Variants in MYCBP observed in about 807,000 individuals in gnomAD.
MYCBP encodes MYC binding protein, also known as C-Myc-binding protein.
Under a neutral mutation model 16.8 loss-of-function variants are expected in MYCBP, and 5 were observed. That is an observed-to-expected ratio of 0.30 (90% CI 0.16 to 0.63). MYCBP has a LOEUF of 0.63. MYCBP is among the 20% of genes least tolerant of loss of function. MYCBP has a pLI of 0.83. For synonymous variants in MYCBP, 35 were observed against 43.7 expected, an observed-to-expected ratio of 0.80 and a Z score of 0.79; for missense variants, 103 against 121.8, an observed-to-expected ratio of 0.85 and a Z score of 0.73.
At position 38,864,163 on chromosome 1, in the gene MYCBP, T is replaced by G. The variant is rs1418373274; in HGVS notation, c.*507A>C. The G allele has an allele frequency of 6.4e-6, 1 of 155,610 alleles. No individual in the cohort carries two copies. The highest frequency in any genetic ancestry group is 1.4e-5 in the Non-Finnish European group (1 of 70,102). The allele number at this position is 155,610 out of a possible 1,614,324, so 9.6% of individuals were successfully genotyped here. On this transcript the variant is annotated 3_prime_UTR_variant, in exon 5 of 5. Coordinates refer to ENST00000397572, the MANE Select transcript of MYCBP (RefSeq NM_012333.5). ...CACACAGTTATCTAAGGCAAAGTGG[T>G]GGCAAAGAAGTTATTTGTTCCATGT...
At chr1:38,866,157 T>G (rs1045800549) in intron 4 of MYCBP, among the ~76,000 whole-genome samples, 3 of 142,892 alleles carry the variant, frequency 2.1e-5, no homozygotes, top group Non-Finnish European at 4.5e-5. Context: ...CAAGCAATTC[T>G]CCTGCCTCAG....
In MYCBP at chr1:38,873,130, C is replaced by T. The variant is rs1301773260; in HGVS notation, c.16-40G>A. The T allele has an allele frequency of 7.1e-6, 11 of 1,553,514 alleles. No individual in the cohort carries two copies. The East Asian group carries it at 1.2e-4, about 17-fold the overall frequency. ...GGGGTCAGTGGCCAGAGCCCGGGAG[C>T]CGAGCAGGAAGAAGGCGCTGGGAGT... On this transcript the variant is annotated intron_variant, in intron 1 of 4. Transcript: ENST00000397572.
chr1:38,864,519 G>T lies in MYCBP; in HGVS notation c.*151C>A. ...AAGAAAGTTATATTGAGTTTTTATT[G>T]ATGATTCTATGTGTTTTTAACAGAG... On this transcript the variant is annotated 3_prime_UTR_variant, in exon 5 of 5. Transcript: ENST00000397572. 2 of 792,408 alleles carry T rather than the reference G, an allele frequency of 2.5e-6. No homozygotes were observed. Among genetic ancestry groups the T allele is most frequent in the South Asian group, 1.7e-5 (1 of 58,392 alleles). 49.1% of individuals were successfully genotyped at this position (792,408 alleles called of 1,614,324 possible). A position where few individuals can be genotyped will look rare whatever the true frequency, so the allele number is the denominator to read the frequency against.
At chr1:38,869,892 G>A (rs1050819609) in intron 2 of MYCBP, among the ~76,000 whole-genome samples, 1 of 152,000 alleles carries the variant, frequency 6.6e-6, no homozygotes, top group Admixed American at 6.6e-5. Context: ...AAATTGGCCA[G>A]GCATGATGGC....
chr1:38,864,364 G>C lies in MYCBP; in HGVS notation c.*306C>G, dbSNP rs965627592. 5.0e-6 allele frequency: 2 copies of C among 396,828 alleles called. No homozygotes were observed. Among genetic ancestry groups the C allele is most frequent in the African/African-American group, 4.1e-5 (2 of 48,618 alleles). 24.6% of individuals were successfully genotyped at this position (396,828 alleles called of 1,614,324 possible). On this transcript the variant is annotated 3_prime_UTR_variant, in exon 5 of 5. Transcript: ENST00000397572. Reference sequence around the variant, plus strand: ...AATAGCTCCATGCTAAACTGTCTTGGCTAAAATACAACCAGTGCCATCATT... The same window carrying C: ...AATAGCTCCATGCTAAACTGTCTTGCCTAAAATACAACCAGTGCCATCATT...
chr1:38,868,677 G>A (rs777299360), intron 2 of MYCBP, among the ~76,000 whole-genome samples: 54 of 152,196 alleles, frequency 3.5e-4, no homozygotes, highest in African/African-American at 1.1e-3. Flanking sequence ...AGGCCAAGGC[G>A]GGCAGATCAC....
At chr1:38,866,042 C>CTTT (rs1491491478) in intron 4 of MYCBP, among the ~76,000 whole-genome samples, 4 of 24,420 alleles carry the variant, frequency 1.6e-4, no homozygotes, top group South Asian at 1.7e-3. Flanking sequence ...TCCTAAGAAC[C>CTTT]TCTTTTTTTT....
At chr1:38,870,778 C>T (rs1422835001) in intron 2 of MYCBP, among the ~76,000 whole-genome samples, 4 of 107,300 alleles carry the variant, frequency 3.7e-5, no homozygotes, top group Admixed American at 3.1e-4. Context: ...CCGGCCTGGG[C>T]GACAGAGCGA....
Position 38,873,341 on chromosome 1 carries a change from C to T in MYCBP, c.-36G>A. 2 of 1,597,954 alleles carry T rather than the reference C, an allele frequency of 1.3e-6. No homozygotes were observed. The highest frequency in any genetic ancestry group is 8.5e-7 in the Non-Finnish European group (1 of 1,177,666). On this transcript the variant is annotated 5_prime_UTR_variant, in exon 1 of 5. Coordinates refer to ENST00000397572, the MANE Select transcript of MYCBP (RefSeq NM_012333.5). ...GCAGCGGCGTAGCTGGCGCCGGAGACCGCGACTGGCGGGTTGGGAGCAGCA... is the reference window on the plus strand; with the variant it reads ...GCAGCGGCGTAGCTGGCGCCGGAGATCGCGACTGGCGGGTTGGGAGCAGCA...
intron 4 of MYCBP, 40 bp from the exon 5 acceptor site, chr1:38,864,754 C>G (rs1642303259): frequency 9.4e-6 from 15 of 1,587,780 alleles, no homozygotes; most frequent in Non-Finnish European, 1.3e-5. Context: ...GAATTTTATT[C>G]TAAATTGAGT....
chr1:38,866,786 A>G, intron 4 of MYCBP, 94 bp downstream of exon 4: 1 of 1,034,752 alleles, frequency 9.7e-7, no homozygotes, highest in Non-Finnish European at 1.4e-6. Flanking sequence ...ATATTCACCC[A>G]CCTCCCTCCC....
At chr1:38,868,559 T>C (rs937950899) in intron 2 of MYCBP, among the ~76,000 whole-genome samples, 1 of 152,190 alleles carries the variant, frequency 6.6e-6, no homozygotes, top group African/African-American at 2.4e-5. Context: ...TTGGCCTTTT[T>C]GTGCATGGAA....
chr1:38,864,830 T>C, intron 4 of MYCBP, 116 bp from the exon 5 acceptor site: 1 of 885,246 alleles, frequency 1.1e-6, no homozygotes, highest in Non-Finnish European at 1.8e-6. Context: ...TGTATTAATA[T>C]CAGTTTCTAT....
intron 2 of MYCBP, among the ~76,000 whole-genome samples, chr1:38,868,720 A>G (rs943546581): frequency 6.6e-6 from 1 of 152,136 alleles, no homozygotes; most frequent in Non-Finnish European, 1.5e-5. Flanking sequence ...CCTGGCTAAC[A>G]CAGTGAAACC....
chr1:38,867,081 T>C (rs937536902), intron 3 of MYCBP, 72 bp from the exon 4 acceptor site: 1 of 1,406,022 alleles, frequency 7.1e-7, no homozygotes, highest in Non-Finnish European at 9.8e-7. Context: ...GTAGTATCAA[T>C]ATCCCTGACC....
intron 2 of MYCBP, among the ~76,000 whole-genome samples, chr1:38,871,548 C>T (rs1642467833): frequency 6.7e-6 from 1 of 149,794 alleles, no homozygotes; most frequent in African/African-American, 2.5e-5. Context: ...TCCACAGTAG[C>T]TAGATTACAG....
At position 38,862,585 on chromosome 1, in the gene MYCBP, G is replaced by A. The variant is rs569166147; in HGVS notation, c.*2085C>T. ...ATATTTTATAGACAAAGCAGCTGAA[G>A]CATAATAGGAGCTTAACTGGTGGGA... On this transcript the variant is annotated 3_prime_UTR_variant, in exon 5 of 5. Coordinates refer to ENST00000397572, the MANE Select transcript of MYCBP (RefSeq NM_012333.5). 1.3e-5 allele frequency among the ~76,000 whole-genome samples: 2 copies of A among 152,360 alleles called. No individual in the cohort carries two copies. The highest frequency in any genetic ancestry group is 6.5e-5 in the Admixed American group (1 of 15,306).
At chr1:38,868,786 G>A (rs989077055) in intron 2 of MYCBP, among the ~76,000 whole-genome samples, 1 of 152,028 alleles carries the variant, frequency 6.6e-6, no homozygotes, top group Non-Finnish European at 1.5e-5. Context: ...GGCGGCTGTA[G>A]TCCCAGCTAC....
intron 2 of MYCBP, 87 bp from the exon 3 acceptor site, chr1:38,867,697 G>A (rs2124255813): frequency 8.7e-7 from 1 of 1,143,850 alleles, no homozygotes; most frequent in Non-Finnish European, 1.3e-6. Context: ...TAAATATTAG[G>A]TGCCAACTAT....
Sources: gnomAD v4.1 joint callset for allele counts (sites outside exome capture counted in the v4.1 genomes callset) on GRCh38, gnomAD v4.1.1 for gene constraint, MANE v1.5 for transcripts, NCBI Gene and HGNC (gene_info 2026-07-23, HGNC 2026-07-21) for gene names.